STAP2: variants seen among roughly 807,000 people sequenced by gnomAD.
STAP2 encodes signal-transducing adaptor protein 2.
In STAP2, 58 loss-of-function variants were observed where a neutral mutation model predicts 52.7. That is an observed-to-expected ratio of 1.10 (90% CI 0.89 to 1.37). STAP2 has a LOEUF of 1.37. STAP2 is among the 40% of genes most tolerant of loss of function. The pLI is 0.00. For missense variants in STAP2, 522 were observed against 519.4 expected (o/e 1.00, Z -0.05); for synonymous variants, 231 against 210.5 (o/e 1.10, Z -0.84).
At chr19:4,325,647 CCT>C in intron 9 of STAP2, 102 bp from the exon 10 acceptor site, 1 of 1,360,976 alleles carries the variant, frequency 7.3e-7, no homozygotes, top group Non-Finnish European at 9.9e-7. Context: ...GGCATGTGTC[CCT>C]GTGTGTCTGT....
At chr19:4,326,385 C>T (rs570400952) in intron 9 of STAP2, among the ~76,000 whole-genome samples, 3 of 152,306 alleles carry the variant, frequency 2.0e-5, no homozygotes, top group Admixed American at 6.5e-5. Flanking sequence ...GGATGTGGCA[C>T]TTGGGGGTCC....
chr19:4,331,118 A>G (rs1054764940), intron 4 of STAP2, among the ~76,000 whole-genome samples: 3 of 152,014 alleles, frequency 2.0e-5, no homozygotes, highest in Non-Finnish European at 4.4e-5. Flanking sequence ...TTGCTTGAGC[A>G]CGGAAGTTGG....
In STAP2 at chr19:4,328,773, C is replaced by T. The variant is rs770477555; in HGVS notation, c.492G>A (p.Leu164=). The part of the protein sequence containing the change: ...FLKVSRLEAQ[L]LLERYPECGN... Reference sequence around the variant, plus strand: ...CGCACTCGGGGTAGCGCTCCAGGAGCAGTTGTGCCTCCAGCCGGCTCACCT... The same window carrying T: ...CGCACTCGGGGTAGCGCTCCAGGAGTAGTTGTGCCTCCAGCCGGCTCACCT... The change falls in exon 6 of 13, where the codon CTG becomes CTA. Residue 164 remains leucine (L), a synonymous_variant. Transcript: ENST00000594605. 3 of 1,611,228 alleles carry T rather than the reference C, an allele frequency of 1.9e-6. No homozygotes were observed. The highest frequency in any genetic ancestry group is 2.2e-5 in the East Asian group (1 of 44,806).
Position 4,325,479 on chromosome 19 carries a change from G to T in STAP2, c.896C>A (p.Pro299Gln), listed in dbSNP as rs866570438. ...TTCCTGGTTCGGTAGTGGGGGCAGT[G>T]GGGGCAGCTTGTCCTGGCTAGACGC... ...SPASSQDKLPPLPPLPNQEEN... is the reference protein window; with the variant it reads ...SPASSQDKLPQLPPLPNQEEN... Residue 299 changes from proline (P) to glutamine (Q), a missense_variant, in exon 10 of 13, where the codon CCA becomes CAA. Transcript: ENST00000594605. The T allele has an allele frequency of 2.5e-6, 4 of 1,613,448 alleles. No homozygotes were observed. The highest frequency in any genetic ancestry group is 1.3e-5 in the African/African-American group (1 of 74,932).
Position 4,328,646 on chromosome 19 carries a change from C to G in STAP2, c.590+29G>C, listed in dbSNP as rs550313253. ...CCACCCTCTTCCCACCCTCCTCCCA[C>G]CCAGGGCTCTCCAGACGCGCATGCG... On this transcript the variant is annotated intron_variant, in intron 6 of 12. Transcript: ENST00000594605. 1.3e-5 allele frequency: 20 copies of G among 1,572,464 alleles called. No individual in the cohort carries two copies. The African/African-American group carries it at 2.7e-4, about 21-fold the overall frequency.
At chr19:4,327,034 A>G in intron 8 of STAP2, 27 bp from the exon 9 acceptor site, 1 of 1,586,408 alleles carries the variant, frequency 6.3e-7, no homozygotes, top group South Asian at 1.1e-5. Flanking sequence ...GGCCTGGAGG[A>G]AGCGCGGCGG....
chr19:4,324,255 C>CT, intron 12 of STAP2, 58 bp from the exon 13 acceptor site: 1 of 1,516,774 alleles, frequency 6.6e-7, no homozygotes, highest in Non-Finnish European at 8.9e-7. Flanking sequence ...CCATGCCCAC[C>CT]GCCCTGACAG....
At chr19:4,334,161 C>G in intron 1 of STAP2, 117 bp from the exon 2 acceptor site, 5 of 763,506 alleles carry the variant, frequency 6.5e-6, no homozygotes, top group Non-Finnish European at 1.0e-5. Context: ...ACGCTGCCCC[C>G]AGATCTTTAT....
At position 4,326,923 on chromosome 19, in the gene STAP2, CGCGGGA is replaced by C. The variant is rs1971801085; in HGVS notation, c.829+13_829+18del. 3.2e-6 allele frequency: 5 copies of C among 1,550,128 alleles called. No individual in the cohort carries two copies. In the African/African-American group the frequency reaches 6.8e-5, roughly 21 times the overall value. ...GTCCTCGATCCCTCCCACCTCGGCC[CGCGGGA>C]AGGGGGCGTCACCTGGGCCCGGAGC... On this transcript the variant is annotated intron_variant, in intron 9 of 12. Transcript: ENST00000594605.
chr19:4,330,628 C>G (rs1468645584), intron 4 of STAP2, among the ~76,000 whole-genome samples: 1 of 151,044 alleles, frequency 6.6e-6, no homozygotes, highest in Admixed American at 6.6e-5. Context: ...CAATGGCCTG[C>G]CAGGGTGAGG....
At chr19:4,332,371 C>CT (rs879421259) in intron 3 of STAP2, among the ~76,000 whole-genome samples, 131 of 143,882 alleles carry the variant, frequency 9.1e-4, no homozygotes, top group East Asian at 1.2e-3. Flanking sequence ...CCTCGCCCAG[C>CT]TTTTTTTTTT....
Position 4,333,701 on chromosome 19 carries a change from T to G in STAP2, c.290A>C (p.Lys97Thr), listed in dbSNP as rs536215484. The G allele has an allele frequency of 6.2e-7, 1 of 1,611,996 alleles. No individual in the cohort carries two copies. Among genetic ancestry groups the G allele is most frequent in the East Asian group, 2.2e-5 (1 of 44,860 alleles). ...FSLILRDQEI[K>T]FKVETLECRE... ...CTCCAGCAAGGGACCTACCTTGAAC[T>G]TGATCTCCTGATCCCGGAGAATCAG... Residue 97 changes from lysine (K) to threonine (T), a missense_variant, in exon 3 of 13, where the codon AAG becomes ACG. Transcript: ENST00000594605.
chr19:4,324,449 C>T lies in STAP2; in HGVS notation c.1147+6G>A, dbSNP rs770581631. ...CCGCCCCGCACTGACCCCGCAGACCCCTTACCGGCTGTGGGGAAGAGAGGC... is the reference window on the plus strand; with the variant it reads ...CCGCCCCGCACTGACCCCGCAGACCTCTTACCGGCTGTGGGGAAGAGAGGC... On this transcript the variant is annotated splice_donor_region_variant and intron_variant, in intron 12 of 12. Coordinates refer to ENST00000594605, the MANE Select transcript of STAP2 (RefSeq NM_001013841.2). 3.2e-6 allele frequency: 5 copies of T among 1,561,858 alleles called. No individual in the cohort carries two copies. Among genetic ancestry groups the T allele is most frequent in the Non-Finnish European group, 4.3e-6 (5 of 1,150,476 alleles).
Position 4,330,108 on chromosome 19 carries a change from T to G in STAP2, c.355-47A>C, listed in dbSNP as rs758916551. 4 of 1,489,948 alleles carry G rather than the reference T, an allele frequency of 2.7e-6. No homozygotes were observed. In the Admixed American group the frequency reaches 6.7e-5, roughly 25 times the overall value. 92.3% of individuals were successfully genotyped at this position (1,489,948 alleles called of 1,614,324 possible). On this transcript the variant is annotated intron_variant, in intron 4 of 12. Coordinates refer to ENST00000594605, the MANE Select transcript of STAP2 (RefSeq NM_001013841.2). ...GTGACTGCACCTGGCCAGCCGGGAA[T>G]GGACGGCTGTGCCCAAGTCACAGAG...
chr19:4,327,265 G>A, intron 7 of STAP2, 39 bp from the exon 8 acceptor site: 1 of 1,613,834 alleles, frequency 6.2e-7, no homozygotes, highest in Non-Finnish European at 8.5e-7. Flanking sequence ...TGCTGGAGAA[G>A]GGACGCGGAC....
Position 4,336,056 on chromosome 19 carries a change from A to G in STAP2, c.103-2012T>C, listed in dbSNP as rs542194544. ...GAGACAGAGTCTTGCTCTGTCGCCC[A>G]GGCTGGAGTGCAGTGGTGCGATCTC... is the stretch of plus-strand genomic sequence containing the variant. On this transcript the variant is annotated intron_variant, in intron 1 of 12. Transcript: ENST00000594605. Among the ~76,000 whole-genome samples the G allele has an allele frequency of 5.3e-5, 8 of 152,188 alleles. No individual in the cohort carries two copies. The South Asian group carries it at 1.7e-3, about 31-fold the overall frequency.
chr19:4,331,153 G>C (rs562251176), intron 4 of STAP2, among the ~76,000 whole-genome samples: 3 of 152,164 alleles, frequency 2.0e-5, no homozygotes, highest in Non-Finnish European at 4.4e-5. Context: ...AACATAGTGA[G>C]ACCCTGCTCT....
At chr19:4,332,988 G>A (rs553574274) in intron 3 of STAP2, among the ~76,000 whole-genome samples, 23 of 149,236 alleles carry the variant, frequency 1.5e-4, no homozygotes, top group Non-Finnish European at 2.5e-4. Flanking sequence ...TCAGGAGTTC[G>A]AGACCAGCCT....
chr19:4,329,757 C>G (rs1395393485), intron 5 of STAP2, among the ~76,000 whole-genome samples: 7 of 152,138 alleles, frequency 4.6e-5, no homozygotes, highest in Admixed American at 4.6e-4. Context: ...CTCTAGGCCC[C>G]TAGACCCGCT....
Sources: gnomAD v4.1 joint callset for allele counts (sites outside exome capture counted in the v4.1 genomes callset) on GRCh38, gnomAD v4.1.1 for gene constraint, MANE v1.5 for transcripts, NCBI Gene and HGNC (gene_info 2026-07-23, HGNC 2026-07-21) for gene names.